FOXP2: variants seen among roughly 807,000 people sequenced by gnomAD.
The protein encoded by FOXP2 is forkhead box protein P2.
In FOXP2, 12 loss-of-function variants were observed where a neutral mutation model predicts 115.8. That is an observed-to-expected ratio of 0.10 (90% CI 0.07 to 0.17). The LOEUF (loss-of-function observed/expected upper bound fraction) is 0.17, where lower values mean the gene tolerates loss of function less well. FOXP2 is among the 10% of genes least tolerant of loss of function. The probability of loss-of-function intolerance (pLI) is 1.00; values close to 1 mark genes in which losing one functional copy is unlikely to be tolerated. For missense variants in FOXP2, 629 were observed against 843.5 expected, an observed-to-expected ratio of 0.75 and a Z score of 3.15; for synonymous variants, 328 against 297.7, an observed-to-expected ratio of 1.10 and a Z score of -1.05.
At chr7:114,331,244 C>G (rs1797704783) in intron 2 of FOXP2, among the ~76,000 whole-genome samples, 1 of 152,044 alleles carries the variant, frequency 6.6e-6, no homozygotes, top group South Asian at 2.1e-4. Context: ...ATAATTAATA[C>G]AAAATATACT....
At chr7:114,362,050 T>C (rs923455455) in intron 2 of FOXP2, among the ~76,000 whole-genome samples, 1 of 151,938 alleles carries the variant, frequency 6.6e-6, no homozygotes, top group African/African-American at 2.4e-5. Context: ...CAAACAATGT[T>C]GATATGATGA....
intron 3 of FOXP2, among the ~76,000 whole-genome samples, chr7:114,539,270 A>G (rs952932252): frequency 6.6e-6 from 1 of 151,942 alleles, no homozygotes; most frequent in Non-Finnish European, 1.5e-5. Flanking sequence ...TACAAAATGT[A>G]TTTTAGGAAA....
At chr7:114,361,878 A>G (rs996361125) in intron 2 of FOXP2, among the ~76,000 whole-genome samples, 2 of 152,064 alleles carry the variant, frequency 1.3e-5, no homozygotes, top group Non-Finnish European at 2.9e-5. Context: ...GTAACCTAGA[A>G]TGGGCTGTGT....
intron 1 of FOXP2, among the ~76,000 whole-genome samples, chr7:114,269,100 A>G (rs1795972392): frequency 6.6e-6 from 1 of 152,192 alleles, no homozygotes; most frequent in African/African-American, 2.4e-5. Context: ...AAGTAAACAA[A>G]TAGGGCCTAT....
chr7:114,358,431 C>T (rs12672683), intron 2 of FOXP2, among the ~76,000 whole-genome samples: 59,631 of 151,984 alleles, frequency 0.39, 12,854 homozygotes, highest in South Asian at 0.5. Context: ...AAGTGACTTT[C>T]GAATTGGGTA....
chr7:114,433,736 T>G (rs930115181), intron 2 of FOXP2, among the ~76,000 whole-genome samples: 21 of 152,010 alleles, frequency 1.4e-4, no homozygotes, highest in Admixed American at 1.3e-3. Flanking sequence ...TATATGTATA[T>G]ATGAGATCCA....
intron 8 of FOXP2, among the ~76,000 whole-genome samples, chr7:114,650,018 T>A (rs557911846): frequency 2.6e-5 from 4 of 152,242 alleles, no homozygotes; most frequent in African/African-American, 9.6e-5. Flanking sequence ...AGGACTATTT[T>A]AATGGCAAGG....
chr7:114,635,333 G>C (rs1418367941), intron 6 of FOXP2, among the ~76,000 whole-genome samples: 1 of 152,092 alleles, frequency 6.6e-6, no homozygotes, highest in Non-Finnish European at 1.5e-5. Flanking sequence ...GTATGTAATT[G>C]TAGCAACAAC....
chr7:114,256,106 C>CT lies in FOXP2; in HGVS notation c.-101-31904dup, dbSNP rs373197185. ...CATTCTGATTGGCATGAGATAGTGT[C>CT]TTTTTTTTTGTTTGAGACAGAGTTT... On this transcript the variant is annotated intron_variant, in intron 1 of 17. Transcript: ENST00000634411. Among the ~76,000 whole-genome samples, 447 of 151,284 alleles carry CT rather than the reference C, an allele frequency of 3.0e-3. 3 individuals are homozygous for CT. Among genetic ancestry groups the CT allele is most frequent in the African/African-American group, 9.8e-3 (403 of 41,254 alleles).
At chr7:114,564,323 A>G (rs547541994) in intron 3 of FOXP2, among the ~76,000 whole-genome samples, 2 of 152,144 alleles carry the variant, frequency 1.3e-5, no homozygotes, top group South Asian at 2.1e-4. Flanking sequence ...TTCTTTCAAT[A>G]TGGTCAAACT....
chr7:114,534,787 A>G, intron 3 of FOXP2, 81 bp downstream of exon 3: 2 of 1,029,664 alleles, frequency 1.9e-6, no homozygotes, highest in South Asian at 2.6e-5. Flanking sequence ...CCACTTGTAT[A>G]TATACAGGAA....
chr7:114,375,680 C>T (rs1562892862), intron 2 of FOXP2, among the ~76,000 whole-genome samples: 1 of 152,214 alleles, frequency 6.6e-6, no homozygotes, highest in Non-Finnish European at 1.5e-5. Flanking sequence ...ATGCTGACTA[C>T]AGCTGCAGCC....
At chr7:114,557,401 C>A (rs902051156) in intron 3 of FOXP2, among the ~76,000 whole-genome samples, 6 of 152,038 alleles carry the variant, frequency 3.9e-5, no homozygotes, top group African/African-American at 1.4e-4. Context: ...GTCTGAAAAT[C>A]GCATTAAGAC....
intron 6 of FOXP2, among the ~76,000 whole-genome samples, chr7:114,632,179 T>G (rs1804957660): frequency 6.6e-6 from 1 of 152,238 alleles, no homozygotes; most frequent in African/African-American, 2.4e-5. Context: ...ATAGAGCACA[T>G]TCCAAGTTAA....
intron 2 of FOXP2, among the ~76,000 whole-genome samples, chr7:114,471,688 G>A (rs1270125116): frequency 6.6e-6 from 1 of 151,642 alleles, no homozygotes; most frequent in East Asian, 1.9e-4. Context: ...GGTGGTTCAC[G>A]CTTGTAATCC....
intron 3 of FOXP2, among the ~76,000 whole-genome samples, chr7:114,577,417 T>G (rs1801629979): frequency 6.6e-6 from 1 of 152,032 alleles, no homozygotes; most frequent in Admixed American, 6.6e-5. Context: ...GAAATTGCAC[T>G]TATTTACTTT....
At chr7:114,647,894 C>G (rs1806004108) in intron 8 of FOXP2, among the ~76,000 whole-genome samples, 1 of 151,928 alleles carries the variant, frequency 6.6e-6, no homozygotes, top group African/African-American at 2.4e-5. Flanking sequence ...GATGCCAACA[C>G]ACAAAACATG....
intron 3 of FOXP2, among the ~76,000 whole-genome samples, chr7:114,542,843 T>G (rs1166131822): frequency 6.6e-6 from 1 of 151,650 alleles, no homozygotes; most frequent in Non-Finnish European, 1.5e-5. Flanking sequence ...CAGGTTGTAG[T>G]GCAGTGGCAA....
rs187453532 is a variant in FOXP2 at position 114,386,008 on chromosome 7, C to T, written c.-10-40494C>T. Among the ~76,000 whole-genome samples the T allele has an allele frequency of 7.8e-4, 119 of 152,312 alleles. 1 individual carries two copies. In the Middle Eastern group the frequency reaches 0.014, roughly 17 times the overall value. On this transcript the variant is annotated intron_variant, in intron 2 of 17. Coordinates refer to the FOXP2 transcript ENST00000634411. ...GGAACCCAGTGACTAGTGTTCAGCT[C>T]GATTAGGACGAACCCAGGCACTTAA...
Sources: gnomAD v4.1 joint callset for allele counts (sites outside exome capture counted in the v4.1 genomes callset) on GRCh38, gnomAD v4.1.1 for gene constraint, MANE v1.5 for transcripts, NCBI Gene and HGNC (gene_info 2026-07-23, HGNC 2026-07-21) for gene names.